Variants in ANKRD30B observed in about 807,000 individuals in gnomAD.
ANKRD30B encodes ankyrin repeat domain-containing protein 30B.
ANKRD30B carries 144 observed loss-of-function variants against 202.2 expected under a neutral mutation model. The observed-to-expected ratio is 0.71, with a 90% confidence interval of 0.62 to 0.82. The LOEUF is 0.82. Among genes scored for constraint, ANKRD30B ranks in the 40% least tolerant of loss-of-function variants. The pLI, the probability that ANKRD30B is intolerant of heterozygous loss-of-function variation, is 0.00. For synonymous variants in ANKRD30B, 508 were observed against 561.3 expected (o/e 0.91, Z 1.34); for missense variants, 1,487 against 1,669.1 (o/e 0.89, Z 1.90).
chr18:14,941,066 C>T, the ANKRD30B span, among the ~76,000 whole-genome samples: 2 of 152,268 alleles, frequency 1.3e-5, no homozygotes, highest in East Asian at 3.9e-4. Context: ...TCAATTTGTG[C>T]TTTTCCTACC....
chr18:14,760,674 T>G (rs1397181323), intron 6 of ANKRD30B, 56 bp downstream of exon 6: 1 of 1,283,038 alleles, frequency 7.8e-7, no homozygotes, highest in Non-Finnish European at 1.1e-6. Context: ...ATTAGGGAAG[T>G]GCTGATCACA....
chr18:14,851,560 T>A lies in ANKRD30B; in HGVS notation c.3616T>A (p.Leu1206Met), dbSNP rs1295483751. The change falls in exon 42 of 44, where the codon TTG becomes ATG. Residue 1206 changes from leucine (L) to methionine (M), a missense_variant. Leu to Met is a conservative substitution (Grantham distance 15). Around this residue, in one of 6 missense-constraint regions of ANKRD30B, gnomAD observed 177 missense variants for 216.4 expected, o/e 0.82. Coordinates refer to ENST00000690538, the MANE Select transcript of ANKRD30B (RefSeq NM_001367607.2). ...TGATCTCTTTCATGAAAATTGCATG[T>A]TGAAAAAGGAAATTGCCATGCTAAA... ...ENDLFHENCM[L>M]KKEIAMLKLE... is the part of the protein sequence containing the mutation. 6.3e-7 allele frequency: 1 copy of A among 1,580,662 alleles called. No individual in the cohort carries two copies. Among genetic ancestry groups the A allele is most frequent in the Admixed American group, 2.0e-5 (1 of 49,646 alleles).
In ANKRD30B at chr18:14,851,881, A is replaced by C. The variant is rs1272326649; in HGVS notation, c.3937A>C (p.Thr1313Pro). The C allele has an allele frequency of 5.7e-6, 9 of 1,589,738 alleles. No homozygotes were observed. The Admixed American group carries it at 1.2e-4, about 22-fold the overall frequency. The change falls in exon 42 of 44, where the codon ACA (threonine) becomes CCA (proline). Residue 1313 changes from threonine to proline, a missense_variant. This residue lies in a region of ANKRD30B where 182 missense variants were observed against 216.0 expected (regional missense o/e 0.84). Coordinates refer to ENST00000690538, the MANE Select transcript of ANKRD30B (RefSeq NM_001367607.2). ...SALQDHDQSVTSRKNQELAFH... is the reference protein window; with the variant it reads ...SALQDHDQSVPSRKNQELAFH... ...TTTACAAGACCATGATCAAAGTGTC[A>C]CATCAAGAAAAAACCAAGAACTTGC...
intron 4 of ANKRD30B, among the ~76,000 whole-genome samples, chr18:14,757,216 A>G (rs1650188213): frequency 6.6e-6 from 1 of 152,224 alleles, no homozygotes; most frequent in Non-Finnish European, 1.5e-5. Context: ...CACAAGACTG[A>G]GTTTAATTTC....
chr18:14,784,422 A>G (rs1167722853), intron 13 of ANKRD30B, 41 bp from the exon 14 acceptor site: 1 of 1,612,400 alleles, frequency 6.2e-7, no homozygotes, highest in Admixed American at 1.7e-5. Context: ...TTTGTGAAGT[A>G]CACATTCTTT....
At chr18:14,902,644 C>T in the ANKRD30B span, among the ~76,000 whole-genome samples, 1 of 152,280 alleles carries the variant, frequency 6.6e-6, no homozygotes, top group Admixed American at 6.5e-5. Context: ...CCACTCTCAA[C>T]CTCACTCTCC....
chr18:14,891,774 A>G, the ANKRD30B span, among the ~76,000 whole-genome samples: 1 of 152,234 alleles, frequency 6.6e-6, no homozygotes, highest in Non-Finnish European at 1.5e-5. Flanking sequence ...CAATTCACAG[A>G]CAAGCCTTGC....
At chr18:14,827,901 C>T (rs926496845) in intron 32 of ANKRD30B, among the ~76,000 whole-genome samples, 83 of 152,102 alleles carry the variant, frequency 5.5e-4, no homozygotes, top group African/African-American at 1.9e-3. Flanking sequence ...GGGAAATAAG[C>T]ATTCTTAATG....
At position 14,829,330 on chromosome 18, in the gene ANKRD30B, G is replaced by C. The variant is rs538422050; in HGVS notation, c.2774+1022G>C. On this transcript the variant is annotated intron_variant, in intron 33 of 43. Transcript: ENST00000690538. ...ACTTATTTAAATATAAGAGGTAGCA[G>C]AAGTAATATTTAAACTCATTTCAAA... Among the ~76,000 whole-genome samples, 3 of 152,232 alleles carry C rather than the reference G, an allele frequency of 2.0e-5. No homozygotes were observed. In the South Asian group the frequency reaches 6.2e-4, roughly 32 times the overall value.
intron 30 of ANKRD30B, among the ~76,000 whole-genome samples, chr18:14,820,245 G>A (rs1231503336): frequency 1.3e-5 from 2 of 152,150 alleles, no homozygotes; most frequent in African/African-American, 4.8e-5. Context: ...TTGCTTATCA[G>A]CTTAAGGAGA....
the ANKRD30B span, among the ~76,000 whole-genome samples, chr18:14,913,980 A>T: frequency 6.6e-6 from 1 of 152,184 alleles, no homozygotes; most frequent in Non-Finnish European, 1.5e-5. Flanking sequence ...TAGGTGAGAA[A>T]ATTGAGGTAT....
intron 18 of ANKRD30B, among the ~76,000 whole-genome samples, chr18:14,797,118 G>A (rs1270923284): frequency 1.3e-5 from 2 of 152,148 alleles, no homozygotes; most frequent in African/African-American, 4.8e-5. Context: ...GAAATTCTCA[G>A]AAGGGAGTAT....
At chr18:14,791,618 A>G in intron 16 of ANKRD30B, 127 bp downstream of exon 16, 1 of 708,516 alleles carries the variant, frequency 1.4e-6, no homozygotes, top group Non-Finnish European at 2.3e-6. Flanking sequence ...AAGAGAAGTG[A>G]AACGGTGATA....
At chr18:14,867,327 G>C in the ANKRD30B span, among the ~76,000 whole-genome samples, 1 of 145,582 alleles carries the variant, frequency 6.9e-6, no homozygotes, top group African/African-American at 2.6e-5. Context: ...GGGCAGGTTA[G>C]GGGTGGTATG....
the ANKRD30B span, among the ~76,000 whole-genome samples, chr18:14,939,857 G>A: frequency 6.6e-5 from 10 of 152,186 alleles, no homozygotes; most frequent in African/African-American, 1.7e-4. Context: ...GCATACCCGC[G>A]TCCAGCGTAA....
chr18:14,871,601 G>A, the ANKRD30B span, among the ~76,000 whole-genome samples: 1 of 151,942 alleles, frequency 6.6e-6, no homozygotes. Context: ...GAACAAAGGG[G>A]AGGAAGGGAG....
intron 11 of ANKRD30B, among the ~76,000 whole-genome samples, chr18:14,781,213 T>A (rs1044726233): frequency 3.3e-5 from 5 of 152,294 alleles, no homozygotes; most frequent in African/African-American, 1.2e-4. Flanking sequence ...CAGCAGACAT[T>A]TTATCAAAAA....
chr18:14,805,687 T>C (rs1466622903), intron 24 of ANKRD30B, among the ~76,000 whole-genome samples: 1 of 150,998 alleles, frequency 6.6e-6, no homozygotes, highest in Non-Finnish European at 1.5e-5. Context: ...TATAAATTAT[T>C]ATAATGTGTT....
At chr18:14,865,282 C>T in the ANKRD30B span, among the ~76,000 whole-genome samples, 1 of 151,846 alleles carries the variant, frequency 6.6e-6, no homozygotes, top group African/African-American at 2.4e-5. Context: ...CTAAAAGCTT[C>T]TCTCCTCACT....
Sources: gnomAD v4.1 joint callset for allele counts (sites outside exome capture counted in the v4.1 genomes callset) on GRCh38, gnomAD v4.1.1 for gene constraint, gnomAD v4.1.1 regional missense constraint, MANE v1.5 for transcripts, NCBI Gene and HGNC (gene_info 2026-07-23, HGNC 2026-07-21) for gene names.